ZDHHC11: variants seen among roughly 807,000 people sequenced by gnomAD.
The protein encoded by ZDHHC11 is palmitoyltransferase ZDHHC11.
In ZDHHC11, 44 loss-of-function variants were observed where a neutral mutation model predicts 51.3. The observed-to-expected ratio is 0.86, with a 90% confidence interval of 0.67 to 1.10. The LOEUF (loss-of-function observed/expected upper bound fraction) is 1.10. Among genes scored for constraint, ZDHHC11 ranks in the 50% least tolerant of loss-of-function variants. The pLI, the probability that ZDHHC11 is intolerant of heterozygous loss-of-function variation, is 0.00. For synonymous variants in ZDHHC11, 163 were observed against 222.0 expected (o/e 0.73, Z 2.36); for missense variants, 400 against 537.7 (o/e 0.74, Z 2.53).
rs146263663 is a variant in ZDHHC11, at chr5:850,405, G to C, written c.198C>G (p.His66Gln). Residue 66 changes from histidine to glutamine, a missense_variant, in exon 1 of 13, where the codon CAC becomes CAG. Coordinates refer to ENST00000283441, the MANE Select transcript of ZDHHC11 (RefSeq NM_024786.3). ...CCACGTAGGCAATGTATTTCCACGC[G>C]TGAGGCAGGAAGGGAATGAAGATCC... ...TFGIFIPFLP[H>Q]AWKYIAYVVT... The C allele has an allele frequency of 6.2e-7, 1 of 1,613,640 alleles. No homozygotes were observed.
At chr5:816,429 G>A in intron 10 of ZDHHC11, 1 of 447,512 alleles carries the variant, frequency 2.2e-6, no homozygotes, top group Non-Finnish European at 4.5e-6. Context: ...TGCGGGACAG[G>A]CAGTGGCCGT....
intron 11 of ZDHHC11, among the ~76,000 whole-genome samples, chr5:803,792 T>C (rs1302282023): frequency 6.6e-6 from 1 of 150,488 alleles, no homozygotes; most frequent in Non-Finnish European, 1.5e-5. Context: ...AGATTAGTAG[T>C]AGAGATAGAA....
At chr5:852,885 C>A (rs1231646586), upstream of ZDHHC11, among the ~76,000 whole-genome samples, 1 of 142,890 alleles carries the variant, frequency 7.0e-6, no homozygotes, top group Non-Finnish European at 1.5e-5. Context: ...ACAGACCCCA[C>A]GGAGGACAGT....
At chr5:840,132 C>T in intron 5 of ZDHHC11, 1 of 614,910 alleles carries the variant, frequency 1.6e-6, no homozygotes. Context: ...TGGAAGTCCA[C>T]CTGTCCTTAT....
At chr5:798,914 T>G (rs1385587900) in intron 12 of ZDHHC11, among the ~76,000 whole-genome samples, 2 of 152,180 alleles carry the variant, frequency 1.3e-5, no homozygotes, top group Admixed American at 6.5e-5. Context: ...TGATAAAGAA[T>G]GTGACCTGAA....
At chr5:807,533 A>T (rs2150300879) in intron 11 of ZDHHC11, among the ~76,000 whole-genome samples, 1 of 151,546 alleles carries the variant, frequency 6.6e-6, no homozygotes, top group Admixed American at 6.6e-5. Flanking sequence ...TCAAGGATGA[A>T]TCTGTTCCCA....
At chr5:810,247 C>T (rs1739909794) in intron 11 of ZDHHC11, among the ~76,000 whole-genome samples, 1 of 120,922 alleles carries the variant, frequency 8.3e-6, no homozygotes, top group South Asian at 3.2e-4. Context: ...TGCAAAGGAA[C>T]AGCTCCAACC....
chr5:856,667 C>T (rs999253844), intron 1 of ZDHHC11, among the ~76,000 whole-genome samples: 2 of 151,548 alleles, frequency 1.3e-5, no homozygotes, highest in Admixed American at 1.3e-4. Context: ...ACGTGCACCA[C>T]GTGACAAGTA....
At chr5:853,350 G>A (rs538074573), upstream of ZDHHC11, among the ~76,000 whole-genome samples, 79 of 140,916 alleles carry the variant, frequency 5.6e-4, no homozygotes, top group African/African-American at 2.0e-3. Context: ...ACAGCGAGTC[G>A]GGGGTACAGA....
At chr5:847,863 C>G in intron 2 of ZDHHC11, 1 of 579,826 alleles carries the variant, frequency 1.7e-6, no homozygotes, top group South Asian at 1.9e-5. Context: ...CCGCCCTGAG[C>G]ATAGACCCCC....
chr5:815,687 CT>C (rs1388005344), intron 10 of ZDHHC11, among the ~76,000 whole-genome samples: 10 of 151,578 alleles, frequency 6.6e-5, no homozygotes, highest in Admixed American at 2.0e-4. Flanking sequence ...TGCCAAACTG[CT>C]TGGCGATGTG....
At chr5:815,502 G>A (rs1261135053) in intron 10 of ZDHHC11, among the ~76,000 whole-genome samples, 1 of 151,000 alleles carries the variant, frequency 6.6e-6, no homozygotes, top group Non-Finnish European at 1.5e-5. Flanking sequence ...TCATCCCCAT[G>A]AGCAATACAT....
intron 12 of ZDHHC11, among the ~76,000 whole-genome samples, chr5:797,214 A>ATGTGTG (rs376163224): frequency 6.7e-6 from 1 of 148,730 alleles, no homozygotes; most frequent in Non-Finnish European, 1.5e-5. Flanking sequence ...CTAAATACAT[A>ATGTGTG]TGTGTGTGTG....
intron 10 of ZDHHC11, chr5:816,871 C>A: frequency 2.2e-6 from 1 of 458,518 alleles, no homozygotes; most frequent in Admixed American, 2.7e-5. Flanking sequence ...AACAAAGCAG[C>A]AGCGGGAAGC....
chr5:842,885 C>G (rs1745264877), intron 4 of ZDHHC11, among the ~76,000 whole-genome samples: 1 of 152,312 alleles, frequency 6.6e-6, no homozygotes, highest in South Asian at 2.1e-4. Context: ...TGCCTCCATC[C>G]TCACGAGGCC....
Position 796,345 on chromosome 5 carries a change from G to C in ZDHHC11, c.*243C>G, listed in dbSNP as rs1168780898. The C allele has an allele frequency of 1.3e-5, 2 of 153,214 alleles. No individual in the cohort carries two copies. The highest frequency in any genetic ancestry group is 3.0e-5 in the Non-Finnish European group (2 of 67,746). The allele number at this position is 153,214 out of a possible 1,614,324, so 9.5% of individuals were successfully genotyped here. ...TCTTCCTGGAGATGTAAACCCTCCT[G>C]CAAGGCTGGCTCTTCTTTGGGTGTG... On this transcript the variant is annotated 3_prime_UTR_variant, in exon 13 of 13. Coordinates refer to ENST00000283441, the MANE Select transcript of ZDHHC11 (RefSeq NM_024786.3).
intron 4 of ZDHHC11, 182 bp from the exon 5 acceptor site, chr5:840,832 G>A (rs751460877): frequency 2.0e-5 from 29 of 1,475,462 alleles, no homozygotes; most frequent in East Asian, 4.6e-5. Context: ...TGCTGCCTTC[G>A]GTTGGTTTTC....
chr5:831,879 AC>A (rs1304913091), intron 7 of ZDHHC11, among the ~76,000 whole-genome samples: 1 of 147,128 alleles, frequency 6.8e-6, no homozygotes. Flanking sequence ...ACTATAAAAA[AC>A]AGTACGGAGA....
At chr5:816,271 G>T in intron 10 of ZDHHC11, 1 of 245,950 alleles carries the variant, frequency 4.1e-6, no homozygotes, top group Non-Finnish European at 8.1e-6. Context: ...AATGTTTTTG[G>T]GATCTATCAA....
Sources: allele counts gnomAD v4.1 joint callset (sites outside exome capture counted in the v4.1 genomes callset), GRCh38; gene constraint gnomAD v4.1.1; transcripts MANE v1.5; gene names NCBI Gene and HGNC (gene_info 2026-07-23, HGNC 2026-07-21).